CFAP92: variants seen among roughly 807,000 people sequenced by gnomAD.
CFAP92 encodes uncharacterized protein CFAP92.
In CFAP92, 86 loss-of-function variants were observed where a neutral mutation model predicts 106.3. That is an observed-to-expected ratio of 0.81 (90% CI 0.68 to 0.97). CFAP92 has a LOEUF of 0.97. CFAP92 is among the 50% of genes least tolerant of loss of function. The pLI is 0.00. For synonymous variants in CFAP92, 477 were observed against 506.4 expected (o/e 0.94, Z 0.78); for missense variants, 1,204 against 1,283.8 (o/e 0.94, Z 0.95).
chr3:128,913,849 C>T (rs1189956780), intron 15 of CFAP92, among the ~76,000 whole-genome samples: 1 of 152,148 alleles, frequency 6.6e-6, no homozygotes, highest in Non-Finnish European at 1.5e-5. Flanking sequence ...ATGCATACCT[C>T]TGGACAGAAG....
At chr3:128,936,949 G>A (rs533962368) in intron 10 of CFAP92, among the ~76,000 whole-genome samples, 1 of 152,146 alleles carries the variant, frequency 6.6e-6, no homozygotes, top group Admixed American at 6.5e-5. Context: ...GTCCTTGTCT[G>A]GTTCAAGGTT....
intron 12 of CFAP92, 141 bp downstream of exon 12, chr3:128,932,559 A>G: frequency 1.3e-6 from 1 of 796,736 alleles, no homozygotes; most frequent in Non-Finnish European, 1.9e-6. Flanking sequence ...TTGCCCATCC[A>G]GCAGGGTAGC....
upstream of CFAP92, among the ~76,000 whole-genome samples, chr3:128,996,905 T>A (rs530393191): frequency 6.6e-6 from 1 of 152,338 alleles, no homozygotes; most frequent in African/African-American, 2.4e-5. Flanking sequence ...CCTCATCTCC[T>A]CATAGCCCGG....
rs1442688871 is a variant in CFAP92 at position 128,910,102 on chromosome 3, C to T, written c.*197G>A. 9 of 1,613,480 alleles carry T rather than the reference C, an allele frequency of 5.6e-6. No homozygotes were observed. Among genetic ancestry groups the T allele is most frequent in the South Asian group, 1.1e-5 (1 of 91,046 alleles). ...GTATGGCATGACGGCCGTGCTGTCGCGGGCCAGCCGCTCCATCCGCATTGG... is the reference window on the plus strand; with the variant it reads ...GTATGGCATGACGGCCGTGCTGTCGTGGGCCAGCCGCTCCATCCGCATTGG... On this transcript the variant is annotated 3_prime_UTR_variant, in exon 16 of 16. Coordinates refer to ENST00000645291, the MANE Select transcript of CFAP92 (RefSeq NM_001394090.1).
chr3:128,975,360 T>C (rs1019341592), intron 7 of CFAP92, among the ~76,000 whole-genome samples: 2 of 152,036 alleles, frequency 1.3e-5, no homozygotes, highest in Admixed American at 1.3e-4. Context: ...GAATGGATGA[T>C]GAGGGTGAGT....
At chr3:128,983,819 G>A (rs1943675560) in intron 4 of CFAP92, among the ~76,000 whole-genome samples, 1 of 152,206 alleles carries the variant, frequency 6.6e-6, no homozygotes, top group Non-Finnish European at 1.5e-5. Flanking sequence ...GCAGTGAGGA[G>A]GAGGCTTGGA....
chr3:128,942,716 C>T (rs1939768634), intron 10 of CFAP92, among the ~76,000 whole-genome samples: 1 of 151,974 alleles, frequency 6.6e-6, no homozygotes, highest in Admixed American at 6.6e-5. Context: ...GCTCTGCCAC[C>T]CAGGCTGGAG....
the CFAP92 span, among the ~76,000 whole-genome samples, chr3:129,024,580 G>A: frequency 6.6e-6 from 1 of 152,016 alleles, no homozygotes; most frequent in African/African-American, 2.4e-5. Context: ...TTTAGCTAAG[G>A]GTTCTGGAGG....
chr3:128,945,220 T>C lies in CFAP92; in HGVS notation c.2109A>G (p.Ser703=). 1 of 1,536,140 alleles carries C rather than the reference T, an allele frequency of 6.5e-7. No individual in the cohort carries two copies. The highest frequency in any genetic ancestry group is 8.7e-7 in the Non-Finnish European group (1 of 1,146,906). The change falls in exon 10 of 16, where the codon TCA becomes TCG. Residue 703 remains serine (S), a synonymous_variant. Coordinates refer to ENST00000645291, the MANE Select transcript of CFAP92 (RefSeq NM_001394090.1). ...YPVRTLQQIL[S]AFKVRVRVQE... ...GGACCCGCACACGCACCTTGAAGGC[T>C]GACAGGATCTGCTGCAGGGTCCTGA...
chr3:129,002,504 C>T, intron 1 of CFAP92: 1 of 1,233,792 alleles, frequency 8.1e-7, no homozygotes, highest in South Asian at 1.8e-5. Flanking sequence ...CCATTCCACT[C>T]CAGTCCCCAA....
intron 12 of CFAP92, among the ~76,000 whole-genome samples, chr3:128,921,420 C>G (rs1348865401): frequency 6.6e-6 from 1 of 152,234 alleles, no homozygotes; most frequent in Non-Finnish European, 1.5e-5. Context: ...AATGCAGTGT[C>G]AAACTGCTAT....
chr3:128,948,377 CTTTTTTTTTTTTTT>C lies in CFAP92; in HGVS notation c.1354-2416_1354-2403del, dbSNP rs4040748. On this transcript the variant is annotated intron_variant, in intron 9 of 15. Coordinates refer to ENST00000645291, the MANE Select transcript of CFAP92 (RefSeq NM_001394090.1). ...GCCCCACTAATTTTTCTTTTCTTTC[CTTTTTTTTTTTTTT>C]TTTTTTTTTTTTTGTAGAGACAGAG... Among the ~76,000 whole-genome samples, 47 of 79,772 alleles carry C rather than the reference CTTTTTTTTTTTTTT, an allele frequency of 5.9e-4. 2 individuals are homozygous for C. Among genetic ancestry groups the C allele is most frequent in the African/African-American group, 1.6e-3 (41 of 26,384 alleles). 52.3% of individuals were successfully genotyped at this position (79,772 alleles called of 152,430 possible). A position where few individuals can be genotyped will look rare whatever the true frequency, so the allele number is the denominator to read the frequency against.
chr3:128,923,970 C>G (rs568053748), intron 12 of CFAP92, among the ~76,000 whole-genome samples: 1 of 152,216 alleles, frequency 6.6e-6, no homozygotes, highest in Non-Finnish European at 1.5e-5. Flanking sequence ...CCATTGGAAG[C>G]TCTATACTTG....
rs561915229 is a variant in CFAP92 at position 128,919,181 on chromosome 3, C to T, written c.2752-2910G>A. Among the ~76,000 whole-genome samples, 14 of 151,596 alleles carry T rather than the reference C, an allele frequency of 9.2e-5. No individual in the cohort carries two copies. In the South Asian group the frequency reaches 1.0e-3, roughly 11 times the overall value. On this transcript the variant is annotated intron_variant, in intron 12 of 15. Coordinates refer to ENST00000645291, the MANE Select transcript of CFAP92 (RefSeq NM_001394090.1). ...CTGGTCTCGAACGCCAGACTTCAAG[C>T]GATCCACCCACTTCAGCTTCCCAAA...
intron 4 of CFAP92, among the ~76,000 whole-genome samples, chr3:128,984,346 G>T (rs1391079950): frequency 1.3e-5 from 2 of 152,160 alleles, no homozygotes; most frequent in African/African-American, 4.8e-5. Context: ...AGCTGGGTGG[G>T]CACCATCTAA....
At position 128,945,742 on chromosome 3, in the gene CFAP92, C is replaced by G. The variant is rs771292156; in HGVS notation, c.1587G>C (p.Gly529=). 1.7e-4 allele frequency: 264 copies of G among 1,535,638 alleles called. No homozygotes were observed. Among genetic ancestry groups the G allele is most frequent in the Non-Finnish European group, 2.3e-4 (261 of 1,146,760 alleles). The change falls in exon 10 of 16, where the codon GGG becomes GGC. Residue 529 remains glycine (G), a synonymous_variant. Transcript: ENST00000645291. ...TGAGGTATGAATCCAGAGGGTCCTC[C>G]CCAAACAGCACGGGCTTCTGAGAAC... is the stretch of plus-strand genomic sequence containing the variant. The part of the protein sequence containing the change: ...EECSQKPVLF[G]EDPLDSYLNF...
At chr3:128,950,232 C>A (rs533221371) in intron 9 of CFAP92, among the ~76,000 whole-genome samples, 3 of 152,160 alleles carry the variant, frequency 2.0e-5, no homozygotes, top group African/African-American at 4.8e-5. Flanking sequence ...CCTGACCCCC[C>A]AGGCAGGGAA....
chr3:129,023,595 G>A, the CFAP92 span, among the ~76,000 whole-genome samples: 1 of 152,174 alleles, frequency 6.6e-6, no homozygotes, highest in Non-Finnish European at 1.5e-5. Context: ...GCCTCCCAAA[G>A]TGCTGGGATT....
rs1221164828 is a variant in CFAP92, at chr3:128,910,308, G to A, written c.3306C>T (p.Pro1102=). The change falls in exon 16 of 16, where the codon CCC becomes CCT. Residue 1102 remains proline, a synonymous_variant. Coordinates refer to ENST00000645291, the MANE Select transcript of CFAP92 (RefSeq NM_001394090.1). ...GGAGGGTCTGTGCTGCTCAGGAGAT[G>A]GGGCTGTTCCCTTTCTTCTTCCTGA... ...VTVRKKKGNS[P]IS is the part of the protein sequence containing the mutation. The A allele has an allele frequency of 2.0e-6, 3 of 1,487,966 alleles. No individual in the cohort carries two copies. The highest frequency in any genetic ancestry group is 2.2e-5 in the Admixed American group (1 of 45,738). The allele number at this position is 1,487,966 out of a possible 1,614,324, so 92.2% of individuals were successfully genotyped here. A position where few individuals can be genotyped will look rare whatever the true frequency, so the allele number is the denominator to read the frequency against.
Sources: gnomAD v4.1 joint callset for allele counts (sites outside exome capture counted in the v4.1 genomes callset) on GRCh38, gnomAD v4.1.1 for gene constraint, MANE v1.5 for transcripts, NCBI Gene and HGNC (gene_info 2026-07-23, HGNC 2026-07-21) for gene names.